The following DRC1 variants were observed in gnomAD, a reference collection of about 807,000 sequenced individuals.
DRC1 encodes dynein regulatory complex subunit 1.
In DRC1, 74 loss-of-function variants were observed where a neutral mutation model predicts 98.7. That is an observed-to-expected ratio of 0.75 (90% confidence interval 0.62 to 0.91). The LOEUF is 0.91. Among genes scored for constraint, DRC1 ranks in the 40% least tolerant of loss-of-function variants. DRC1 has a pLI of 0.00. For synonymous variants in DRC1, 336 were observed against 334.1 expected, an observed-to-expected ratio of 1.01 and a Z score of -0.06; for missense variants, 875 against 886.0, an observed-to-expected ratio of 0.99 and a Z score of 0.16.
intron 3 of DRC1, among the ~76,000 whole-genome samples, chr2:26,423,916 C>A (rs1663214283): frequency 6.6e-6 from 1 of 152,220 alleles, no homozygotes; most frequent in Non-Finnish European, 1.5e-5. Context: ...AACATAAGCT[C>A]TGTGACTCCA....
chr2:26,410,353 C>A (rs1678566476), intron 1 of DRC1, among the ~76,000 whole-genome samples: 1 of 151,304 alleles, frequency 6.6e-6, no homozygotes, highest in Non-Finnish European at 1.5e-5. Context: ...CTCACTGCAA[C>A]CTCTGCCTCC....
intron 1 of DRC1, among the ~76,000 whole-genome samples, chr2:26,406,486 A>C (rs934209190): frequency 6.6e-6 from 1 of 152,168 alleles, no homozygotes; most frequent in Non-Finnish European, 1.5e-5. Flanking sequence ...AGGTGGGTGG[A>C]TCACTTGAGG....
chr2:26,435,829 C>A (rs896819262), intron 7 of DRC1, among the ~76,000 whole-genome samples: 6 of 151,600 alleles, frequency 4.0e-5, no homozygotes, highest in Non-Finnish European at 7.4e-5. Context: ...ATGGTGTATA[C>A]GTACCACATT....
Position 26,431,888 on chromosome 2 carries a change from A to T in DRC1, c.770A>T (p.Glu257Val). The T allele has an allele frequency of 6.2e-7, 1 of 1,613,756 alleles. No homozygotes were observed. Among genetic ancestry groups the T allele is most frequent in the Non-Finnish European group, 8.5e-7 (1 of 1,179,752 alleles). ...CTTGTCTTCCTGTGCCTTTAGCTGG[A>T]GTATCTTAACAACCGCATGAAGAAA... ...ALQAHNAKEL[E>V]YLNNRMKKVE... The change falls in exon 7 of 17, where the codon GAG becomes GTG. Residue 257 changes from glutamate to valine, a missense_variant. By Grantham distance (121) the Glu-to-Val change is moderately radical. Coordinates refer to ENST00000288710, the MANE Select transcript of DRC1 (RefSeq NM_145038.5).
rs796981695 is a variant in DRC1, at chr2:26,436,779, G to A, written c.889-3599G>A. 5.9e-5 allele frequency among the ~76,000 whole-genome samples: 9 copies of A among 152,276 alleles called. 1 individual carries two copies. Among genetic ancestry groups the A allele is most frequent in the Middle Eastern group, 3.4e-3 (1 of 294 alleles). On this transcript the variant is annotated intron_variant, in intron 7 of 16. Transcript: ENST00000288710. ...TGGGAAATGCTGTCTTAGGGATAGG[G>A]GATTATTGCAAGGCCAGGAGAAGAA...
Position 26,454,714 on chromosome 2 carries a change from C to T in DRC1, c.1987C>T (p.Gln663Ter), listed in dbSNP as rs1175945817. The change falls in exon 15 of 17, where the codon CAG becomes TAG. Residue 663 changes from glutamine (Q) to a stop codon, truncating the protein, a stop_gained. Transcript: ENST00000288710. LOFTEE classifies it high-confidence loss of function. This position sits in a 1 kb window ranked among gnomAD's most constrained non-coding sequence, Gnocchi z 5.2. ...CAACTCCAAGGACTCGGAGTACTGG[C>T]AGGCCCTGACCACAGTGATCCCTTC... ...RDNSKDSEYW[Q>*]ALTTVIPSSK... 2 of 1,614,158 alleles carry T rather than the reference C, an allele frequency of 1.2e-6. No individual in the cohort carries two copies. Among genetic ancestry groups the T allele is most frequent in the African/African-American group, 1.3e-5 (1 of 75,028 alleles).
At position 26,415,829 on chromosome 2, in the gene DRC1, G is replaced by A. The variant is rs117701819; in HGVS notation, c.243+1398G>A. 2.4e-4 allele frequency among the ~76,000 whole-genome samples: 36 copies of A among 152,114 alleles called. No individual in the cohort carries two copies. The East Asian group carries it at 6.2e-3, about 26-fold the overall frequency. ...CGCCTGGGGTCCCCCCTACTTAGGA[G>A]GCTGAGGCAGGAGGATTCCTTGAAC... On this transcript the variant is annotated intron_variant, in intron 2 of 16. Coordinates refer to ENST00000288710, the MANE Select transcript of DRC1 (RefSeq NM_145038.5).
At chr2:26,427,586 TAC>T (rs148459107) in intron 4 of DRC1, among the ~76,000 whole-genome samples, 2,484 of 152,292 alleles carry the variant, frequency 0.016, 29 homozygotes, top group Middle Eastern at 0.058. Context: ...ATTCCAGTTA[TAC>T]TCTTTTAGTT....
intron 10 of DRC1, among the ~76,000 whole-genome samples, chr2:26,447,356 T>G (rs1301220763): frequency 6.6e-6 from 1 of 151,858 alleles, no homozygotes; most frequent in Non-Finnish European, 1.5e-5. Flanking sequence ...GAGGTTGCAG[T>G]CAGCCGAGAT....
intron 4 of DRC1, among the ~76,000 whole-genome samples, chr2:26,427,573 A>G (rs1227538479): frequency 2.6e-5 from 4 of 152,092 alleles, no homozygotes; most frequent in Non-Finnish European, 5.9e-5. Context: ...TTGTGTTGCA[A>G]ACATTCCAGT....
chr2:26,411,888 G>A (rs1678623149), intron 1 of DRC1, among the ~76,000 whole-genome samples: 1 of 152,074 alleles, frequency 6.6e-6, no homozygotes, highest in African/African-American at 2.4e-5. Context: ...CTTTGATCCA[G>A]AAAGCACTTG....
At chr2:26,418,484 G>A (rs1208629788) in intron 2 of DRC1, among the ~76,000 whole-genome samples, 1 of 127,792 alleles carries the variant, frequency 7.8e-6, no homozygotes, top group African/African-American at 3.0e-5. Flanking sequence ...TGTGATAGGA[G>A]GATATATATA....
At chr2:26,418,376 T>C (rs941755862) in intron 2 of DRC1, among the ~76,000 whole-genome samples, 1 of 150,570 alleles carries the variant, frequency 6.6e-6, no homozygotes, top group African/African-American at 2.5e-5. Context: ...CTGGGAGCTG[T>C]GGCCAGAGGC....
chr2:26,402,081 A>G lies in DRC1; in HGVS notation c.92A>G (p.Asn31Ser). Residue 31 changes from asparagine to serine, a missense_variant, in exon 1 of 17, where the codon AAC (asparagine) becomes AGC (serine). By Grantham distance (46) the Asn-to-Ser change is conservative (BLOSUM62 1). Coordinates refer to ENST00000288710, the MANE Select transcript of DRC1 (RefSeq NM_145038.5). ...QILAPSVHSDNSQERIQARRL... is the reference protein window; with the variant it reads ...QILAPSVHSDSSQERIQARRL... ...CTCGCGCCCTCGGTCCACTCCGACA[A>G]CTCTCAGGAGCGCATCCAGGCCCGG... The G allele has an allele frequency of 6.2e-7, 1 of 1,612,822 alleles. No individual in the cohort carries two copies. The highest frequency in any genetic ancestry group is 1.3e-5 in the African/African-American group (1 of 74,900).
rs1663085436 is a variant in DRC1 at position 26,420,078 on chromosome 2, C to T, written c.244-1210C>T. On this transcript the variant is annotated intron_variant, in intron 2 of 16. Coordinates refer to ENST00000288710, the MANE Select transcript of DRC1 (RefSeq NM_145038.5). ...TGCTTGATGATGGGACCTCAGCTCC[C>T]TCTGCCATTGCTTGAGTTGCCTTTA... is the stretch of plus-strand genomic sequence containing the variant. Among the ~76,000 whole-genome samples the T allele has an allele frequency of 2.0e-5, 3 of 152,208 alleles. 1 individual carries two copies. In the South Asian group the frequency reaches 6.2e-4, roughly 31 times the overall value.
intron 5 of DRC1, among the ~76,000 whole-genome samples, chr2:26,430,298 C>T (rs1663398286): frequency 6.6e-6 from 1 of 152,040 alleles, no homozygotes; most frequent in East Asian, 1.9e-4. Context: ...GAGATTTAGC[C>T]CTTTCCAAGA....
At chr2:26,450,304 C>T (rs1572385175) in intron 12 of DRC1, among the ~76,000 whole-genome samples, 1 of 152,224 alleles carries the variant, frequency 6.6e-6, no homozygotes, top group Non-Finnish European at 1.5e-5. Context: ...CTAGCATCTT[C>T]CTCTCAGGTT....
At chr2:26,403,048 T>C (rs768343221) in intron 1 of DRC1, among the ~76,000 whole-genome samples, 7 of 152,274 alleles carry the variant, frequency 4.6e-5, no homozygotes, top group Non-Finnish European at 7.3e-5. Flanking sequence ...GCTTTATTTA[T>C]GGACACTGAA....
intron 7 of DRC1, among the ~76,000 whole-genome samples, chr2:26,439,270 C>T (rs555994887): frequency 2.0e-5 from 3 of 152,222 alleles, no homozygotes; most frequent in East Asian, 3.9e-4. Context: ...CTAGACACGC[C>T]GTCTTCCAGG....
Sources: gnomAD v4.1 joint callset for allele counts (sites outside exome capture counted in the v4.1 genomes callset) on GRCh38, gnomAD v4.1.1 for gene constraint, Gnocchi (gnomAD v3.1) non-coding constraint, MANE v1.5 for transcripts, NCBI Gene and HGNC (gene_info 2026-07-23, HGNC 2026-07-21) for gene names.